The following TEX9 variants were observed in gnomAD, a reference collection of about 807,000 sequenced individuals.
TEX9 encodes the protein testis-expressed protein 9.
Under a neutral mutation model 59.6 loss-of-function variants are expected in TEX9, and 74 were observed. The observed-to-expected ratio is 1.24, with a 90% confidence interval of 1.03 to 1.51. The LOEUF is 1.51. TEX9 is among the 40% of genes most tolerant of loss of function. The probability of loss-of-function intolerance (pLI) is 0.00; values close to 1 mark genes in which losing one functional copy is unlikely to be tolerated. For missense variants in TEX9, 522 were observed against 447.8 expected (o/e 1.17, Z -1.49); for synonymous variants, 186 against 152.2 (o/e 1.22, Z -1.64).
intron 12 of TEX9, chr15:56,444,538 GTTC>G (rs777897587): frequency 3.6e-5 from 57 of 1,601,328 alleles, no homozygotes; most frequent in Non-Finnish European, 4.7e-5. Flanking sequence ...TTTTTTTCTT[GTTC>G]TTCAAGTTGT....
At chr15:56,337,839 A>G (rs1210172590) in intron 1 of TEX9, among the ~76,000 whole-genome samples, 1 of 152,186 alleles carries the variant, frequency 6.6e-6, no homozygotes, top group South Asian at 2.1e-4. Flanking sequence ...ATTTTGGAGC[A>G]CTGACCTCAT....
chr15:56,407,214 C>T (rs2049122896), intron 9 of TEX9, among the ~76,000 whole-genome samples: 1 of 152,008 alleles, frequency 6.6e-6, no homozygotes, highest in African/African-American at 2.4e-5. Context: ...TCCTCATTTG[C>T]TTACCATGGC....
chr15:56,328,863 C>T (rs2046082155), intron 1 of TEX9, among the ~76,000 whole-genome samples: 1 of 152,216 alleles, frequency 6.6e-6, no homozygotes, highest in African/African-American at 2.4e-5. Context: ...GAACTAGCCA[C>T]CCTGAAGAGA....
downstream of TEX9, among the ~76,000 whole-genome samples, chr15:56,450,121 T>C (rs1204271942): frequency 6.6e-6 from 1 of 152,218 alleles, no homozygotes; most frequent in African/African-American, 2.4e-5. Context: ...TGCAGTTTGT[T>C]TTCTAGTAAT....
At chr15:56,295,933 T>C (rs1212945033) in intron 1 of TEX9, among the ~76,000 whole-genome samples, 1 of 152,200 alleles carries the variant, frequency 6.6e-6, no homozygotes, top group Admixed American at 6.5e-5. Context: ...ACGCTTCTGC[T>C]CCTAAAATCC....
At chr15:56,408,815 A>C (rs995178825) in intron 9 of TEX9, 32 of 152,284 alleles carry the variant, frequency 2.1e-4, no homozygotes, top group Admixed American at 1.8e-3. Context: ...CATTACATCT[A>C]CCCAAGCCCA....
At chr15:56,306,383 T>C (rs1314254795) in intron 1 of TEX9, among the ~76,000 whole-genome samples, 1 of 150,140 alleles carries the variant, frequency 6.7e-6, no homozygotes, top group Non-Finnish European at 1.5e-5. Context: ...AACAGATGAA[T>C]AAAGAAAATG....
chr15:56,396,308 A>G (rs1442843299), intron 9 of TEX9: 1 of 152,186 alleles, frequency 6.6e-6, no homozygotes, highest in Admixed American at 6.5e-5. Flanking sequence ...AATCACTTAG[A>G]CAAAATTTAT....
intron 10 of TEX9, among the ~76,000 whole-genome samples, chr15:56,426,050 T>C (rs1171306999): frequency 4.6e-5 from 7 of 152,176 alleles, no homozygotes; most frequent in Non-Finnish European, 8.8e-5. Context: ...TTTATTCCTC[T>C]GCCCATAATT....
intron 1 of TEX9, among the ~76,000 whole-genome samples, chr15:56,309,693 GTTT>G (rs60648387): frequency 0.33 from 19,473 of 58,532 alleles, 2,911 homozygotes; most frequent in Middle Eastern, 0.44. Flanking sequence ...TTTATGGGAA[GTTT>G]TTTTTTTTTT....
the TEX9 span, among the ~76,000 whole-genome samples, chr15:56,459,559 G>A: frequency 6.6e-6 from 1 of 152,256 alleles, no homozygotes; most frequent in Non-Finnish European, 1.5e-5. Context: ...AGCTAAGTTT[G>A]TGGTAATTCG....
At chr15:56,306,179 C>T (rs1430664516) in intron 1 of TEX9, among the ~76,000 whole-genome samples, 1 of 132,588 alleles carries the variant, frequency 7.5e-6, no homozygotes, top group Admixed American at 9.0e-5. Context: ...AGCCACTATG[C>T]AGAACAGTAT....
chr15:56,392,782 A>G (rs2048279429), intron 7 of TEX9, among the ~76,000 whole-genome samples: 2 of 152,104 alleles, frequency 1.3e-5, no homozygotes, highest in Admixed American at 6.6e-5. Context: ...TCTCTCTAAG[A>G]TGCTTTAGAG....
chr15:56,367,682 A>G (rs1201607741), intron 2 of TEX9, among the ~76,000 whole-genome samples: 1 of 152,214 alleles, frequency 6.6e-6, no homozygotes, highest in Non-Finnish European at 1.5e-5. Flanking sequence ...TGAATTTTCC[A>G]CGAATATGAT....
intron 1 of TEX9, among the ~76,000 whole-genome samples, chr15:56,326,441 C>T (rs1289515250): frequency 6.6e-6 from 1 of 152,022 alleles, no homozygotes; most frequent in Non-Finnish European, 1.5e-5. Context: ...ATTTATAAAA[C>T]ATTTAATATA....
chr15:56,287,222 A>G (rs971054532), intron 1 of TEX9, among the ~76,000 whole-genome samples: 4 of 152,172 alleles, frequency 2.6e-5, no homozygotes, highest in Non-Finnish European at 5.9e-5. Context: ...AATACTAGCC[A>G]CAACTAGAGT....
At chr15:56,347,947 C>A (rs1234552434) in intron 1 of TEX9, among the ~76,000 whole-genome samples, 1 of 151,646 alleles carries the variant, frequency 6.6e-6, no homozygotes, top group Non-Finnish European at 1.5e-5. Flanking sequence ...TAAATATGGG[C>A]AAAAAACTTT....
At chr15:56,338,568 A>ATGG (rs1555434409) in intron 1 of TEX9, among the ~76,000 whole-genome samples, 3 of 26,286 alleles carry the variant, frequency 1.1e-4, no homozygotes, top group Admixed American at 4.6e-4. Context: ...TATATTTGAA[A>ATGG]TGGTTATTAT....
chr15:56,287,553 A>G (rs2044982924), intron 1 of TEX9, among the ~76,000 whole-genome samples: 1 of 152,204 alleles, frequency 6.6e-6, no homozygotes, highest in Non-Finnish European at 1.5e-5. Context: ...CTTCAAATAT[A>G]CTTAGCAATT....
Sources: gnomAD v4.1 joint callset for allele counts (sites outside exome capture counted in the v4.1 genomes callset) on GRCh38, gnomAD v4.1.1 for gene constraint, MANE v1.5 for transcripts, NCBI Gene and HGNC (gene_info 2026-07-23, HGNC 2026-07-21) for gene names.